SYN3: variants seen among roughly 807,000 people sequenced by gnomAD.
SYN3 encodes synapsin III, also known as synapsin-3.
A neutral mutation model predicts 65.8 loss-of-function variants in SYN3; 35 were observed. That is an observed-to-expected ratio of 0.53 (90% CI 0.41 to 0.70). The LOEUF is 0.70. SYN3 is among the 30% of genes least tolerant of loss of function. The pLI is 0.00. For missense variants in SYN3, 680 were observed against 749.0 expected (o/e 0.91, Z 1.08); for synonymous variants, 270 against 292.9 (o/e 0.92, Z 0.80).
chr22:32,802,158 T>G (rs1337953685), intron 6 of SYN3: 1 of 1,564,710 alleles, frequency 6.4e-7, no homozygotes, highest in Non-Finnish European at 8.6e-7. Flanking sequence ...AGCCCCACGC[T>G]GCAGCCAGGA....
At chr22:32,728,353 T>TCCTGTGCTC (rs1413118182) in intron 6 of SYN3, among the ~76,000 whole-genome samples, 1 of 152,220 alleles carries the variant, frequency 6.6e-6, no homozygotes, top group African/African-American at 2.4e-5. Flanking sequence ...CCCCTGTGCT[T>TCCTGTGCTC]CCTGTGCTCC....
chr22:32,616,650 G>A (rs2059524745), intron 6 of SYN3, among the ~76,000 whole-genome samples: 1 of 152,126 alleles, frequency 6.6e-6, no homozygotes, highest in Non-Finnish European at 1.5e-5. Context: ...GGGGGACACA[G>A]AAAGGACCCA....
chr22:32,692,098 G>GTT (rs61625935), intron 6 of SYN3, among the ~76,000 whole-genome samples: 37,119 of 121,828 alleles, frequency 0.3, 7,480 homozygotes, highest in East Asian at 0.66. Context: ...TGTGGTCATT[G>GTT]TTTTTTTTTT....
chr22:32,720,749 C>G lies in SYN3; in HGVS notation c.712-124013G>C, dbSNP rs144656247. Among the ~76,000 whole-genome samples, 230 of 152,314 alleles carry G rather than the reference C, an allele frequency of 1.5e-3. 1 individual carries two copies. Among genetic ancestry groups the G allele is most frequent in the African/African-American group, 5.3e-3 (220 of 41,574 alleles). Reference sequence around the variant, plus strand: ...GGTGGCACTTTGGCAGCTCTCAGTACAAGGAAACTGTTGTTATTATTATTA... The same window carrying G: ...GGTGGCACTTTGGCAGCTCTCAGTAGAAGGAAACTGTTGTTATTATTATTA... On this transcript the variant is annotated intron_variant, in intron 6 of 13. Transcript: ENST00000358763.
At chr22:32,657,116 ACTTCT>A (rs2060152013) in intron 6 of SYN3, among the ~76,000 whole-genome samples, 1 of 150,658 alleles carries the variant, frequency 6.6e-6, no homozygotes, top group Non-Finnish European at 1.5e-5. Context: ...AGCCACCCTC[ACTTCT>A]CTTTTCTTTT....
chr22:32,521,148 GT>G (rs2057874129), intron 12 of SYN3, among the ~76,000 whole-genome samples: 1 of 152,174 alleles, frequency 6.6e-6, no homozygotes, highest in South Asian at 2.1e-4. Context: ...TATAAGAAAA[GT>G]AATGAGGCTT....
At chr22:32,763,703 G>A (rs935828733) in intron 6 of SYN3, among the ~76,000 whole-genome samples, 2 of 152,168 alleles carry the variant, frequency 1.3e-5, no homozygotes, top group Non-Finnish European at 2.9e-5. Flanking sequence ...GCCAATGGAG[G>A]ATTCTGCCTT....
At chr22:32,680,777 T>C (rs1456609698) in intron 6 of SYN3, among the ~76,000 whole-genome samples, 1 of 152,254 alleles carries the variant, frequency 6.6e-6, no homozygotes, top group Non-Finnish European at 1.5e-5. Flanking sequence ...AAAGTCAACA[T>C]CTAAAGTCAA....
At chr22:32,620,557 T>C (rs989549236) in intron 6 of SYN3, among the ~76,000 whole-genome samples, 2 of 152,122 alleles carry the variant, frequency 1.3e-5, no homozygotes, top group African/African-American at 4.8e-5. Flanking sequence ...AAGGAGCATA[T>C]ACCTGGTTTC....
At position 32,893,280 on chromosome 22, in the gene SYN3, C is replaced by T. The variant is rs576904615; in HGVS notation, c.462-24155G>A. ...ACTATACATTGGGATTAATTGGATA[C>T]CTGGCACTGCCGTAGGCACTGGGCT... On this transcript the variant is annotated intron_variant, in intron 4 of 13. Transcript: ENST00000358763. Among the ~76,000 whole-genome samples, 311 of 152,330 alleles carry T rather than the reference C, an allele frequency of 2.0e-3. 1 individual carries two copies. The highest frequency in any genetic ancestry group is 6.8e-3 in the African/African-American group (284 of 41,574).
chr22:32,610,397 G>A (rs1034086965), intron 6 of SYN3, among the ~76,000 whole-genome samples: 1 of 151,938 alleles, frequency 6.6e-6, no homozygotes, highest in Non-Finnish European at 1.5e-5. Context: ...AAAGAAACTC[G>A]GTACATAGTA....
intron 6 of SYN3, among the ~76,000 whole-genome samples, chr22:32,628,735 C>T (rs1483445096): frequency 5.3e-5 from 8 of 151,046 alleles, no homozygotes; most frequent in Admixed American, 2.0e-4. Context: ...GGCACAAGAG[C>T]GAGACTTCGT....
At chr22:32,750,144 A>G (rs1300949068) in intron 6 of SYN3, among the ~76,000 whole-genome samples, 1 of 152,224 alleles carries the variant, frequency 6.6e-6, no homozygotes, top group Non-Finnish European at 1.5e-5. Context: ...AGACACATAA[A>G]TACATCACTA....
At chr22:32,713,830 CAAA>C (rs5845019) in intron 6 of SYN3, among the ~76,000 whole-genome samples, 19 of 105,824 alleles carry the variant, frequency 1.8e-4, no homozygotes, top group East Asian at 4.7e-4. Flanking sequence ...GACCCCGTCT[CAAA>C]AAAAAAAAAA....
At chr22:32,858,786 A>G (rs2048451446) in intron 6 of SYN3, among the ~76,000 whole-genome samples, 1 of 152,094 alleles carries the variant, frequency 6.6e-6, no homozygotes, top group Non-Finnish European at 1.5e-5. Flanking sequence ...CTGGTTTCCA[A>G]CCTAGGGCAG....
chr22:32,589,771 C>T (rs2059102823), intron 7 of SYN3, among the ~76,000 whole-genome samples: 1 of 152,150 alleles, frequency 6.6e-6, no homozygotes, highest in African/African-American at 2.4e-5. Flanking sequence ...TTGTTGGTCA[C>T]ACTCTCTCTA....
At chr22:33,056,446 G>T (rs1202119307) in intron 1 of SYN3, among the ~76,000 whole-genome samples, 1 of 152,142 alleles carries the variant, frequency 6.6e-6, no homozygotes, top group African/African-American at 2.4e-5. Context: ...CCAGCTCCCA[G>T]GTGAGTCCCT....
chr22:33,052,448 G>A (rs933299030), intron 1 of SYN3, among the ~76,000 whole-genome samples: 44 of 151,912 alleles, frequency 2.9e-4, no homozygotes, highest in African/African-American at 8.2e-4. Context: ...GTAGTACTAC[G>A]GACACATGTG....
intron 3 of SYN3, among the ~76,000 whole-genome samples, chr22:32,956,106 C>A (rs961637191): frequency 2.2e-5 from 3 of 137,458 alleles, no homozygotes; most frequent in Admixed American, 1.5e-4. Flanking sequence ...CCTAATACCG[C>A]CCCCCCCAAA....
Sources: gnomAD v4.1 joint callset for allele counts (sites outside exome capture counted in the v4.1 genomes callset) on GRCh38, gnomAD v4.1.1 for gene constraint, MANE v1.5 for transcripts, NCBI Gene and HGNC (gene_info 2026-07-23, HGNC 2026-07-21) for gene names.